Variants in CFAP54 observed in about 807,000 individuals in gnomAD.
CFAP54 encodes cilia- and flagella-associated protein 54.
A neutral mutation model predicts 370.4 loss-of-function variants in CFAP54; 290 were observed. The ratio of observed to expected loss-of-function variants is 0.78; its 90% CI spans 0.71 to 0.86. The LOEUF is 0.86. Ranked by LOEUF, CFAP54 falls within the 40% of genes least tolerant of loss-of-function variation. The pLI is 0.00. For synonymous variants in CFAP54, 1,206 were observed against 1,236.5 expected (o/e 0.98, Z 0.52); for missense variants, 3,399 against 3,528.7 (o/e 0.96, Z 0.93).
chr12:96,831,235 T>G (rs1190060471), intron 66 of CFAP54, among the ~76,000 whole-genome samples: 1 of 152,150 alleles, frequency 6.6e-6, no homozygotes, highest in African/African-American at 2.4e-5. Context: ...GATTCCACTC[T>G]CCTAGAGCTA....
chr12:96,719,975 T>C (rs908954479), intron 49 of CFAP54, among the ~76,000 whole-genome samples: 1 of 152,222 alleles, frequency 6.6e-6, no homozygotes, highest in African/African-American at 2.4e-5. Context: ...AATATACTGT[T>C]ATATATCCTT....
chr12:96,813,167 T>C (rs1273157882), intron 64 of CFAP54, among the ~76,000 whole-genome samples: 1 of 152,228 alleles, frequency 6.6e-6, no homozygotes, highest in Non-Finnish European at 1.5e-5. Flanking sequence ...TAAGCTTCTT[T>C]TTTTTATTCC....
intron 39 of CFAP54, among the ~76,000 whole-genome samples, chr12:96,675,926 C>T (rs535782385): frequency 1.9e-4 from 28 of 144,468 alleles, no homozygotes; most frequent in African/African-American, 5.7e-4. Flanking sequence ...CATCACACAC[C>T]GAGGCCTGTT....
chr12:96,724,646 G>GT (rs1274561616), intron 50 of CFAP54, among the ~76,000 whole-genome samples: 1 of 152,104 alleles, frequency 6.6e-6, no homozygotes, highest in East Asian at 1.9e-4. Context: ...TCTGATGGTA[G>GT]TTTCTTTTGC....
At chr12:96,686,263 G>A (rs1436502934) in intron 42 of CFAP54, among the ~76,000 whole-genome samples, 1 of 152,054 alleles carries the variant, frequency 6.6e-6, no homozygotes, top group Non-Finnish European at 1.5e-5. Context: ...TTCTTATATG[G>A]ATACCAGTCA....
chr12:96,764,966 G>T, intron 59 of CFAP54, 111 bp from the exon 60 acceptor site: 1 of 809,336 alleles, frequency 1.2e-6, no homozygotes, highest in African/African-American at 1.8e-5. Flanking sequence ...TTCCTCCAAT[G>T]TATAAGGAAT....
chr12:96,855,130 C>T (rs1035897336), intron 66 of CFAP54, among the ~76,000 whole-genome samples: 22 of 152,054 alleles, frequency 1.4e-4, no homozygotes, highest in Non-Finnish European at 2.1e-4. Flanking sequence ...TCAGATCTCA[C>T]GAGAACTCAC....
At chr12:96,652,180 G>A (rs549124874) in intron 36 of CFAP54, among the ~76,000 whole-genome samples, 124 of 152,226 alleles carry the variant, frequency 8.1e-4, no homozygotes, top group African/African-American at 2.8e-3. Flanking sequence ...TTATTCCACT[G>A]CTTCTCTGTC....
At chr12:96,574,674 C>T (rs562009280) in intron 19 of CFAP54, among the ~76,000 whole-genome samples, 1 of 151,850 alleles carries the variant, frequency 6.6e-6, no homozygotes, top group African/African-American at 2.4e-5. Context: ...TATTTATATA[C>T]TTCCTAATGT....
intron 36 of CFAP54, among the ~76,000 whole-genome samples, chr12:96,653,423 G>A (rs1262799859): frequency 6.6e-6 from 1 of 152,166 alleles, no homozygotes; most frequent in East Asian, 1.9e-4. Context: ...TGAAGAGTAT[G>A]TTCTTTGACC....
intron 4 of CFAP54, among the ~76,000 whole-genome samples, chr12:96,512,301 T>A (rs7308075): frequency 0.015 from 473 of 31,082 alleles, 24 homozygotes; most frequent in East Asian, 0.066. Flanking sequence ...GGAACCAATT[T>A]TATATATATA....
chr12:96,783,305 G>A (rs1049539686), intron 60 of CFAP54, among the ~76,000 whole-genome samples: 5 of 152,198 alleles, frequency 3.3e-5, no homozygotes, highest in African/African-American at 1.2e-4. Context: ...CTGGGAATTT[G>A]TAATCCAAGG....
At chr12:96,558,561 A>C (rs1430368249) in intron 17 of CFAP54, among the ~76,000 whole-genome samples, 1 of 152,126 alleles carries the variant, frequency 6.6e-6, no homozygotes, top group South Asian at 2.1e-4. Flanking sequence ...CAATAGAACA[A>C]AATAGAGAAC....
rs542188799 is a variant in CFAP54 at position 96,723,004 on chromosome 12, A to G, written c.6965+2439A>G. ...AGATGTACAATTGAAGATGTCAAGT[A>G]TTCTGAGAGTCTTTAGAATATAGAC... On this transcript the variant is annotated intron_variant, in intron 50 of 67. Coordinates refer to ENST00000524981, the MANE Select transcript of CFAP54 (RefSeq NM_001306084.2). Among the ~76,000 whole-genome samples the G allele has an allele frequency of 5.3e-5, 8 of 152,324 alleles. No homozygotes were observed. In the South Asian group the frequency reaches 1.7e-3, roughly 32 times the overall value.
chr12:96,521,590 G>A (rs1377871277), intron 6 of CFAP54, among the ~76,000 whole-genome samples: 1 of 151,808 alleles, frequency 6.6e-6, no homozygotes, highest in Non-Finnish European at 1.5e-5. Context: ...ATGCTGAGAA[G>A]CGATAATCTG....
Position 96,600,749 on chromosome 12 carries a change from G to T in CFAP54, c.3639+1982G>T, listed in dbSNP as rs535534480. On this transcript the variant is annotated intron_variant, in intron 26 of 67. Transcript: ENST00000524981. ...GTGAATGGGAGTTCACTCATGATTT[G>T]ACTCTCTGTTTGTCTGTTAATGGTG... Among the ~76,000 whole-genome samples the T allele has an allele frequency of 4.6e-5, 7 of 152,206 alleles. No homozygotes were observed. The East Asian group carries it at 1.4e-3, about 29-fold the overall frequency.
chr12:96,644,133 C>G, intron 32 of CFAP54, 45 bp from the exon 33 acceptor site: 1 of 1,250,326 alleles, frequency 8.0e-7, no homozygotes, highest in East Asian at 2.5e-5. Flanking sequence ...TATTAAATAT[C>G]TGAAAGTTCT....
intron 5 of CFAP54, among the ~76,000 whole-genome samples, chr12:96,514,185 A>T (rs1955205307): frequency 6.6e-6 from 1 of 152,244 alleles, no homozygotes; most frequent in East Asian, 1.9e-4. Context: ...TATTCCATAC[A>T]GAACCTTACC....
intron 42 of CFAP54, 126 bp downstream of exon 42, chr12:96,685,364 C>G (rs749914984): frequency 1.3e-5 from 9 of 700,350 alleles, no homozygotes; most frequent in Non-Finnish European, 2.2e-5. Context: ...CCATATCATA[C>G]AGGGCCTTAC....
Sources: gnomAD v4.1 joint callset for allele counts (sites outside exome capture counted in the v4.1 genomes callset) on GRCh38, gnomAD v4.1.1 for gene constraint, MANE v1.5 for transcripts, NCBI Gene and HGNC (gene_info 2026-07-23, HGNC 2026-07-21) for gene names.